ARL17B: variants seen among roughly 807,000 people sequenced by gnomAD.
ARL17B encodes the protein ARF like GTPase 17B.
At chr17:46,332,849 G>C (rs569382017), downstream of ARL17B, among the ~76,000 whole-genome samples, 1 of 149,630 alleles carries the variant, frequency 6.7e-6, no homozygotes, top group African/African-American at 2.5e-5. Context: ...AAGGATCCTC[G>C]CTTTCAGATC....
At chr17:46,279,500 CT>C (rs369361891) in intron 4 of ARL17B, among the ~76,000 whole-genome samples, 416 of 122,342 alleles carry the variant, frequency 3.4e-3, no homozygotes, top group African/African-American at 5.7e-3. Context: ...TTCTTTCTTT[CT>C]TTTTTTTTTT....
intron 4 of ARL17B, among the ~76,000 whole-genome samples, chr17:46,279,483 CT>C (rs1239462492): frequency 1.4e-5 from 2 of 147,176 alleles, no homozygotes; most frequent in Non-Finnish European, 3.0e-5. Flanking sequence ...CGCACCTGGC[CT>C]TTTTTTTCTT....
chr17:46,348,929 CA>C (rs1269464698), intron 3 of ARL17B, among the ~76,000 whole-genome samples: 1 of 148,652 alleles, frequency 6.7e-6, no homozygotes, highest in African/African-American at 2.5e-5. Flanking sequence ...CTAATAAATG[CA>C]GAGGAATAAC....
intron 4 of ARL17B, among the ~76,000 whole-genome samples, chr17:46,277,653 C>CTTTCTTTCTTTCTTTTT (rs143961379): frequency 6.5e-5 from 9 of 137,860 alleles, no homozygotes; most frequent in Admixed American, 2.2e-4. Context: ...TTCTTTCTTT[C>CTTTCTTTCTTTCTTTTT]TTTTTTTTTT....
chr17:46,325,491 A>C (rs1414285781), intron 3 of ARL17B, among the ~76,000 whole-genome samples: 1 of 80,754 alleles, frequency 1.2e-5, no homozygotes, highest in East Asian at 2.4e-4. Flanking sequence ...AGTCTCAAAG[A>C]CTTGTCAGTA....
At chr17:46,331,212 C>A (rs1308338962), downstream of ARL17B, 3 of 725,940 alleles carry the variant, frequency 4.1e-6, no homozygotes, top group East Asian at 7.7e-5. Flanking sequence ...AAAACTCGCT[C>A]CCACGTGACC....
At chr17:46,292,557 C>T (rs1262231523) in intron 4 of ARL17B, among the ~76,000 whole-genome samples, 7 of 75,698 alleles carry the variant, frequency 9.2e-5, no homozygotes, top group African/African-American at 2.4e-4. Context: ...AGAGCAGAAC[C>T]GAGGATTGTA....
intron 3 of ARL17B, among the ~76,000 whole-genome samples, chr17:46,316,547 C>T (rs1324774140): frequency 9.5e-5 from 6 of 63,158 alleles, no homozygotes; most frequent in Non-Finnish European, 2.7e-4. Flanking sequence ...GCAATGCTGT[C>T]ACCTCAGCCT....
intron 4 of ARL17B, among the ~76,000 whole-genome samples, chr17:46,291,506 C>A (rs2050066738): frequency 6.7e-6 from 1 of 150,288 alleles, no homozygotes; most frequent in Admixed American, 6.6e-5. Flanking sequence ...AGGCTCCCTG[C>A]TGGAAGTTAA....
chr17:46,275,268 T>G (rs2049556244), exon 5 of ARL17B: 1 of 295,370 alleles, frequency 3.4e-6, no homozygotes, highest in Admixed American at 6.4e-5. Context: ...AAAAACAAAG[T>G]TTAGGTCAAG....
chr17:46,280,762 C>T (rs112005035), intron 4 of ARL17B, among the ~76,000 whole-genome samples: 15,776 of 147,198 alleles, frequency 0.11, no homozygotes, highest in Non-Finnish European at 0.16. Flanking sequence ...TTAGTAGGGA[C>T]GAGGTTTTGC....
chr17:46,277,376 G>C (rs1486254702), intron 4 of ARL17B, among the ~76,000 whole-genome samples: 3 of 152,132 alleles, frequency 2.0e-5, no homozygotes, highest in African/African-American at 7.2e-5. Context: ...TCTGGGCTCT[G>C]CCAGCAAGTT....
intron 4 of ARL17B, among the ~76,000 whole-genome samples, chr17:46,279,376 G>A: frequency 6.7e-6 from 1 of 149,412 alleles, no homozygotes. Flanking sequence ...TAGAGACGAG[G>A]TTTTGCCATG....
chr17:46,282,560 A>C (rs926542501), intron 4 of ARL17B, among the ~76,000 whole-genome samples: 1 of 148,938 alleles, frequency 6.7e-6, no homozygotes, highest in East Asian at 2.0e-4. Flanking sequence ...GACTATAGGC[A>C]CTCATCACCA....
chr17:46,324,357 TG>T (rs1387058850), intron 3 of ARL17B, among the ~76,000 whole-genome samples: 7 of 81,984 alleles, frequency 8.5e-5, no homozygotes, highest in African/African-American at 2.5e-4. Flanking sequence ...TTTTCTTAAA[TG>T]GCTTGTGATT....
chr17:46,279,491 T>C (rs1284437562), intron 4 of ARL17B, among the ~76,000 whole-genome samples: 3 of 138,974 alleles, frequency 2.2e-5, no homozygotes, highest in Non-Finnish European at 4.6e-5. Flanking sequence ...GCCTTTTTTT[T>C]CTTTCTTTCT....
intron 3 of ARL17B, among the ~76,000 whole-genome samples, chr17:46,340,746 T>G (rs1195218154): frequency 1.3e-5 from 1 of 76,472 alleles, no homozygotes; most frequent in Non-Finnish European, 3.5e-5. Flanking sequence ...TTCACCATGT[T>G]GGCCAGGCTA....
intron 4 of ARL17B, among the ~76,000 whole-genome samples, chr17:46,276,798 T>C (rs570035407): frequency 5.3e-5 from 8 of 151,592 alleles, no homozygotes; most frequent in African/African-American, 1.9e-4. Context: ...TTCTTTTTTT[T>C]TTTTTTTTTG....
In ARL17B at chr17:46,325,647, G is replaced by A. The variant is rs1350240507; in HGVS notation, c.260-25982C>T. Among the ~76,000 whole-genome samples the A allele has an allele frequency of 1.4e-4, 11 of 81,154 alleles. 5 individuals are homozygous for A. The highest frequency in any genetic ancestry group is 3.4e-4 in the Non-Finnish European group (9 of 26,772). The allele number at this position is 81,154 out of a possible 152,430, so 53.2% of individuals were successfully genotyped here. ...AATTGTGAAAATGTGTATACGGACCGCATAGTAGACAATGATAATATGAAG... is the reference window on the plus strand; with the variant it reads ...AATTGTGAAAATGTGTATACGGACCACATAGTAGACAATGATAATATGAAG... On this transcript the variant is annotated intron_variant, in intron 3 of 4. Transcript: ENST00000434041.
Sources: gnomAD v4.1 joint callset for allele counts (sites outside exome capture counted in the v4.1 genomes callset) on GRCh38, gnomAD v4.1.1 for gene constraint, MANE v1.5 for transcripts, NCBI Gene and HGNC (gene_info 2026-07-23, HGNC 2026-07-21) for gene names.